Variants in PLD5 observed in about 807,000 individuals in gnomAD.
The protein encoded by PLD5 is phospholipase D family member 5.
PLD5 carries 36 observed loss-of-function variants against 61.1 expected under a neutral mutation model. The observed-to-expected ratio is 0.59, with a 90% CI of 0.45 to 0.78. The LOEUF (loss-of-function observed/expected upper bound fraction) is 0.78. Ranked by LOEUF, PLD5 falls within the 30% of genes least tolerant of loss-of-function variation. PLD5 has a pLI of 0.00. For missense variants in PLD5, 515 were observed against 644.4 expected, an observed-to-expected ratio of 0.80 and a Z score of 2.17; for synonymous variants, 243 against 242.8, an observed-to-expected ratio of 1.00 and a Z score of -0.01.
At chr1:242,227,471 T>G (rs1671024127) in intron 4 of PLD5, among the ~76,000 whole-genome samples, 2 of 152,054 alleles carry the variant, frequency 1.3e-5, no homozygotes, top group Admixed American at 1.3e-4. Flanking sequence ...TTCAAGCAAT[T>G]CTCATGCCTC....
At chr1:242,286,809 C>T (rs891406093) in intron 3 of PLD5, among the ~76,000 whole-genome samples, 1 of 152,250 alleles carries the variant, frequency 6.6e-6, no homozygotes. Context: ...AAAGAGCCCA[C>T]GTAAGAGCAA....
At chr1:242,186,979 AAAGT>A (rs1667944527) in intron 5 of PLD5, among the ~76,000 whole-genome samples, 1 of 152,210 alleles carries the variant, frequency 6.6e-6, no homozygotes, top group African/African-American at 2.4e-5. Flanking sequence ...CACTGATATA[AAAGT>A]AATACATGCA....
At chr1:242,296,057 C>T (rs183362632) in intron 2 of PLD5, among the ~76,000 whole-genome samples, 65 of 152,252 alleles carry the variant, frequency 4.3e-4, no homozygotes, top group African/African-American at 1.3e-3. Flanking sequence ...AATCTGTTCC[C>T]GCTTCTGAGC....
intron 2 of PLD5, among the ~76,000 whole-genome samples, chr1:242,298,116 G>A (rs7517318): frequency 0.95 from 144,775 of 152,078 alleles, 69,168 homozygotes; most frequent in Middle Eastern, 0.99. Flanking sequence ...CTTTTTATTA[G>A]CTTTTAAATT....
intron 1 of PLD5, among the ~76,000 whole-genome samples, chr1:242,355,363 T>C (rs1660698814): frequency 6.6e-6 from 1 of 152,154 alleles, no homozygotes; most frequent in Non-Finnish European, 1.5e-5. Flanking sequence ...TGTATGTGTC[T>C]AGAAATTTAT....
At chr1:242,513,027 G>A (rs1204508376) in intron 1 of PLD5, among the ~76,000 whole-genome samples, 4 of 151,836 alleles carry the variant, frequency 2.6e-5, no homozygotes, top group South Asian at 4.2e-4. Flanking sequence ...ATATAGACAC[G>A]TGCTACCACG....
chr1:242,330,703 G>A (rs910643795), intron 2 of PLD5, among the ~76,000 whole-genome samples: 111 of 151,922 alleles, frequency 7.3e-4, no homozygotes, highest in African/African-American at 2.6e-3. Context: ...ATTGACAGAC[G>A]TTTAAAAAAA....
chr1:242,179,138 G>T (rs574825406), intron 5 of PLD5, among the ~76,000 whole-genome samples: 2 of 152,298 alleles, frequency 1.3e-5, no homozygotes, highest in African/African-American at 4.8e-5. Flanking sequence ...CATGAGTGGG[G>T]CAATTACCTT....
Position 242,085,568 on chromosome 1 carries a change from C to T in PLD5, c.*4286G>A, listed in dbSNP as rs1164728632. On this transcript the variant is annotated 3_prime_UTR_variant, in exon 10 of 10. Coordinates refer to ENST00000536534, the MANE Select transcript of PLD5 (RefSeq NM_001372062.1). ...AAAAGGAAAATGAAAGATGCTAATC[C>T]AAATCAAATTGGAAAATTTTTTACC... 1 of 152,048 alleles carries T rather than the reference C, an allele frequency of 6.6e-6. No homozygotes were observed. Among genetic ancestry groups the T allele is most frequent in the African/African-American group, 2.4e-5 (1 of 41,400 alleles). The allele number at this position is 152,048 out of a possible 1,614,324, so 9.4% of individuals were successfully genotyped here.
intron 4 of PLD5, among the ~76,000 whole-genome samples, chr1:242,258,551 G>A (rs1673207819): frequency 6.6e-6 from 1 of 152,108 alleles, no homozygotes; most frequent in East Asian, 1.9e-4. Context: ...TCTTACGATT[G>A]CTACAGACCA....
chr1:242,372,021 T>A (rs1661664829), intron 1 of PLD5, among the ~76,000 whole-genome samples: 1 of 151,960 alleles, frequency 6.6e-6, no homozygotes, highest in African/African-American at 2.4e-5. Flanking sequence ...CCTACCACCC[T>A]CCCCACACCC....
chr1:242,085,911 G>C lies in PLD5; in HGVS notation c.*3943C>G, dbSNP rs916839538. On this transcript the variant is annotated 3_prime_UTR_variant, in exon 10 of 10. Coordinates refer to ENST00000536534, the MANE Select transcript of PLD5 (RefSeq NM_001372062.1). ...AAGTTAATTGTAGGATAGAATTCCT[G>C]AGACAGATAGACCCTGGATCTGATC... The C allele has an allele frequency of 6.6e-6, 1 of 151,692 alleles. No homozygotes were observed. Among genetic ancestry groups the C allele is most frequent in the African/African-American group, 2.4e-5 (1 of 41,266 alleles). 9.4% of individuals were successfully genotyped at this position (151,692 alleles called of 1,614,324 possible).
intron 5 of PLD5, among the ~76,000 whole-genome samples, chr1:242,181,374 T>C (rs1301232326): frequency 6.6e-6 from 1 of 152,212 alleles, no homozygotes; most frequent in Admixed American, 6.5e-5. Flanking sequence ...TTTATATGTG[T>C]AAAATATACA....
intron 1 of PLD5, among the ~76,000 whole-genome samples, chr1:242,375,208 C>T (rs1661876946): frequency 6.6e-6 from 1 of 152,206 alleles, no homozygotes; most frequent in South Asian, 2.1e-4. Context: ...TTGTGTACGG[C>T]TGCATCTGGA....
intron 1 of PLD5, among the ~76,000 whole-genome samples, chr1:242,454,981 G>C (rs1022647298): frequency 3.3e-5 from 5 of 152,064 alleles, no homozygotes; most frequent in African/African-American, 1.2e-4. Flanking sequence ...GCACAATCAG[G>C]GTATAGTTCT....
At chr1:242,377,661 T>A (rs1217032621) in intron 1 of PLD5, among the ~76,000 whole-genome samples, 2 of 151,612 alleles carry the variant, frequency 1.3e-5, no homozygotes, top group African/African-American at 4.8e-5. Flanking sequence ...AATAAATAAA[T>A]AAATAAAACA....
chr1:242,200,634 A>T, intron 5 of PLD5, among the ~76,000 whole-genome samples: 1 of 117,790 alleles, frequency 8.5e-6, no homozygotes, highest in African/African-American at 2.8e-5. Context: ...CACAGGCAAA[A>T]AAAAAAAATG....
chr1:242,401,444 A>T (rs543524319), intron 1 of PLD5, among the ~76,000 whole-genome samples: 3 of 151,978 alleles, frequency 2.0e-5, no homozygotes, highest in African/African-American at 7.3e-5. Flanking sequence ...CAGACTTCCC[A>T]TCATACTTGG....
At chr1:242,387,888 A>T (rs890959477) in intron 1 of PLD5, among the ~76,000 whole-genome samples, 17 of 152,172 alleles carry the variant, frequency 1.1e-4, no homozygotes, top group Non-Finnish European at 2.1e-4. Context: ...TAGTTGACAG[A>T]GACTGAAAAG....
Sources: gnomAD v4.1 joint callset for allele counts (sites outside exome capture counted in the v4.1 genomes callset) on GRCh38, gnomAD v4.1.1 for gene constraint, MANE v1.5 for transcripts, NCBI Gene and HGNC (gene_info 2026-07-23, HGNC 2026-07-21) for gene names.